Variants in BLK observed in about 807,000 individuals in gnomAD.
BLK encodes BLK proto-oncogene, Src family tyrosine kinase, also known as tyrosine-protein kinase Blk.
BLK carries 64 observed loss-of-function variants against 61.8 expected under a neutral mutation model. That is an observed-to-expected ratio of 1.03 (90% CI 0.85 to 1.27). The LOEUF (loss-of-function observed/expected upper bound fraction) is 1.27, where lower values mean the gene tolerates loss of function less well. Among genes scored for constraint, BLK ranks in the 50% most tolerant of loss-of-function variants. BLK has a pLI of 0.00. For missense variants in BLK, 853 were observed against 660.5 expected (o/e 1.29, Z -3.19); for synonymous variants, 351 against 272.0 (o/e 1.29, Z -2.86).
At chr8:11,563,522 C>T (rs1801587891) in intron 12 of BLK, among the ~76,000 whole-genome samples, 3 of 152,208 alleles carry the variant, frequency 2.0e-5, no homozygotes, top group Admixed American at 2.0e-4. Context: ...GCTCCAGCCA[C>T]TTGGCCCCCA....
At chr8:11,508,063 A>G (rs1334899955) in intron 1 of BLK, among the ~76,000 whole-genome samples, 1 of 152,128 alleles carries the variant, frequency 6.6e-6, no homozygotes. Context: ...GGTCCTCACA[A>G]CAGCCCCGTG....
At chr8:11,555,678 G>A (rs534061256) in intron 8 of BLK, 194 bp downstream of exon 8, 60 of 851,302 alleles carry the variant, frequency 7.0e-5, no homozygotes, top group Middle Eastern at 6.9e-4. Flanking sequence ...AGCTGGGACC[G>A]CTTATGGTGG....
At chr8:11,504,678 A>G (rs1457402828) in intron 1 of BLK, among the ~76,000 whole-genome samples, 1 of 152,238 alleles carries the variant, frequency 6.6e-6, no homozygotes, top group African/African-American at 2.4e-5. Context: ...ACTGTCTCCA[A>G]TATGGTGACT....
rs527503161 is a variant in BLK, at chr8:11,536,760, T to TA, written c.-1-6457dup. ...GGTTTCATAAAAAATAGTTTTCATCTAAAAAAATCTGTTGTAGCCATCCTT... is the reference window on the plus strand; with the variant it reads ...GGTTTCATAAAAAATAGTTTTCATCTAAAAAAAATCTGTTGTAGCCATCCTT... On this transcript the variant is annotated intron_variant, in intron 1 of 12. Transcript: ENST00000259089. Among the ~76,000 whole-genome samples, 215 of 152,282 alleles carry TA rather than the reference T, an allele frequency of 1.4e-3. 1 individual carries two copies. The highest frequency in any genetic ancestry group is 0.014 in the Middle Eastern group (4 of 294).
intron 1 of BLK, among the ~76,000 whole-genome samples, chr8:11,525,848 G>A (rs572521178): frequency 2.0e-4 from 30 of 152,178 alleles, no homozygotes; most frequent in African/African-American, 6.0e-4. Flanking sequence ...TGGTTCAAGC[G>A]ATTCTCCTGC....
chr8:11,500,607 C>T lies in BLK; in HGVS notation c.-2+6016C>T, dbSNP rs1225908887. 2.6e-5 allele frequency among the ~76,000 whole-genome samples: 4 copies of T among 151,704 alleles called. No homozygotes were observed. In the East Asian group the frequency reaches 5.9e-4, roughly 22 times the overall value. ...CATGGCTCACTGCAGCCTCCACTTC[C>T]CCAGCTCAGGCAATCCTCCCACCTC... On this transcript the variant is annotated intron_variant, in intron 1 of 12. Coordinates refer to ENST00000259089, the MANE Select transcript of BLK (RefSeq NM_001715.3).
chr8:11,499,512 T>C (rs1200182692), intron 1 of BLK, among the ~76,000 whole-genome samples: 2 of 152,180 alleles, frequency 1.3e-5, no homozygotes, highest in Admixed American at 1.3e-4. Flanking sequence ...GGGCATTCTT[T>C]CTTGGCATGG....
chr8:11,543,167 C>A, intron 1 of BLK, 57 bp from the exon 2 acceptor site: 1 of 1,611,086 alleles, frequency 6.2e-7, no homozygotes, highest in Non-Finnish European at 8.5e-7. Flanking sequence ...CCCCTCTGTG[C>A]AGAGGATCTG....
chr8:11,542,455 T>G (rs997509760), intron 1 of BLK, among the ~76,000 whole-genome samples: 3 of 152,208 alleles, frequency 2.0e-5, no homozygotes, highest in Non-Finnish European at 2.9e-5. Context: ...CAGGTCAGAC[T>G]GGACTCCAGA....
intron 7 of BLK, 36 bp from the exon 8 acceptor site, chr8:11,555,296 G>C (rs1801144699): frequency 6.2e-7 from 1 of 1,613,652 alleles, no homozygotes; most frequent in South Asian, 1.1e-5. Context: ...GGCTGCTCTG[G>C]TAACCCCCAG....
At position 11,563,055 on chromosome 8, in the gene BLK, G is replaced by A; in HGVS notation, c.1257G>A (p.Trp419Ter). 1 of 1,614,186 alleles carries A rather than the reference G, an allele frequency of 6.2e-7. No homozygotes were observed. The highest frequency in any genetic ancestry group is 8.5e-7 in the Non-Finnish European group (1 of 1,180,046). Residue 419 changes from tryptophan (W) to a stop codon, truncating the protein, a stop_gained, in exon 12 of 13, where the codon TGG becomes TGA. Coordinates refer to ENST00000259089, the MANE Select transcript of BLK (RefSeq NM_001715.3). LOFTEE classifies it high-confidence loss of function. ...FGVFTIKADV[W>*]SFGVLLMEVV... ...TCTTCACCATCAAAGCAGACGTGTG[G>A]TCGTTTGGAGTCCTCCTGATGGAAG...
chr8:11,538,920 A>G (rs1800252139), intron 1 of BLK, among the ~76,000 whole-genome samples: 1 of 152,188 alleles, frequency 6.6e-6, no homozygotes, highest in African/African-American at 2.4e-5. Flanking sequence ...TTGTATCAAT[A>G]ATATATGCTT....
At position 11,562,981 on chromosome 8, in the gene BLK, GC is replaced by G. The variant is rs769787409; in HGVS notation, c.1185del (p.Lys396SerfsTer30). ...IDSEYTAQEG[A>X]KFPIKWTAPE... The stretch of plus-strand genomic sequence containing the variant: ...AGCTTGCATGGCTTTTCCCACAGGG[GC>G]CAAGTTCCCCATCAAGTGGACAGCC... On this transcript the variant is annotated frameshift_variant, in exon 12 of 13. Coordinates refer to ENST00000259089, the MANE Select transcript of BLK (RefSeq NM_001715.3). LOFTEE classifies it high-confidence loss of function. The G allele has an allele frequency of 2.5e-6, 4 of 1,614,068 alleles. No homozygotes were observed. Among genetic ancestry groups the G allele is most frequent in the Non-Finnish European group, 3.4e-6 (4 of 1,180,010 alleles).
Position 11,552,388 on chromosome 8 carries a change from T to G in BLK, c.472+2126T>G, listed in dbSNP as rs560172234. ...GCATATACATACATATACATACACA[T>G]AGATATATGCATTTTATATTTATAT... is the stretch of plus-strand genomic sequence containing the variant. On this transcript the variant is annotated intron_variant, in intron 6 of 12. Transcript: ENST00000259089. 3.3e-5 allele frequency: 5 copies of G among 152,346 alleles called. No individual in the cohort carries two copies. In the East Asian group the frequency reaches 9.6e-4, roughly 29 times the overall value. The allele number at this position is 152,346 out of a possible 1,614,324, so 9.4% of individuals were successfully genotyped here. A position where few individuals can be genotyped will look rare whatever the true frequency, so the allele number is the denominator to read the frequency against.
intron 2 of BLK, 189 bp from the exon 3 acceptor site, chr8:11,545,863 G>A: frequency 1.4e-6 from 1 of 699,752 alleles, no homozygotes; most frequent in Non-Finnish European, 2.6e-6. Flanking sequence ...CAGAGGGCGG[G>A]GGTCTGTCTG....
intron 1 of BLK, among the ~76,000 whole-genome samples, chr8:11,518,972 T>G (rs1799333229): frequency 6.6e-6 from 1 of 152,174 alleles, no homozygotes; most frequent in Admixed American, 6.6e-5. Context: ...TAAATACCCC[T>G]GGGCCTGTGC....
chr8:11,561,481 A>G, intron 11 of BLK, 29 bp downstream of exon 11: 1 of 1,610,652 alleles, frequency 6.2e-7, no homozygotes, highest in Non-Finnish European at 8.5e-7. Flanking sequence ...CACAAGGGAA[A>G]CCTAGGGCCT....
rs974733391 is a variant in BLK, at chr8:11,494,880, A to G, written c.-2+289A>G. ...AGAGGAGAGAAGGGACGTGGGATGT[A>G]GAGAGGGGGTTGAGCGGGCACACAC... On this transcript the variant is annotated intron_variant, in intron 1 of 12. Transcript: ENST00000259089. Among the ~76,000 whole-genome samples the G allele has an allele frequency of 2.0e-5, 3 of 152,218 alleles. No individual in the cohort carries two copies. In the East Asian group the frequency reaches 5.8e-4, roughly 29 times the overall value.
intron 1 of BLK, among the ~76,000 whole-genome samples, chr8:11,542,390 A>G (rs1187526962): frequency 4.6e-5 from 7 of 152,200 alleles, no homozygotes; most frequent in Non-Finnish European, 8.8e-5. Flanking sequence ...CTTCCTCTCT[A>G]TGATGTCTGC....
Sources: allele counts gnomAD v4.1 joint callset (sites outside exome capture counted in the v4.1 genomes callset), GRCh38; gene constraint gnomAD v4.1.1; transcripts MANE v1.5; gene names NCBI Gene and HGNC (gene_info 2026-07-23, HGNC 2026-07-21).